The following ASTN1 variants were observed in gnomAD, a reference collection of about 807,000 sequenced individuals.
ASTN1 encodes astrotactin-1.
A neutral mutation model predicts 140.7 loss-of-function variants in ASTN1; 41 were observed. The ratio of observed to expected loss-of-function variants is 0.29; its 90% CI spans 0.23 to 0.38. ASTN1 has a LOEUF of 0.38. Ranked by LOEUF, ASTN1 falls within the 10% of genes least tolerant of loss-of-function variation. The pLI, the probability that ASTN1 is intolerant of heterozygous loss-of-function variation, is 1.00. For synonymous variants in ASTN1, 640 were observed against 652.2 expected (o/e 0.98, Z 0.29); for missense variants, 1,479 against 1,678.8 (o/e 0.88, Z 2.08).
intron 1 of ASTN1, among the ~76,000 whole-genome samples, chr1:177,129,867 T>C (rs1681857906): frequency 6.6e-6 from 1 of 152,146 alleles, no homozygotes; most frequent in African/African-American, 2.4e-5. Flanking sequence ...CTCAGAAGGC[T>C]GAGGCAGGAG....
At chr1:176,956,923 G>A (rs1672431231) in intron 11 of ASTN1, among the ~76,000 whole-genome samples, 1 of 152,036 alleles carries the variant, frequency 6.6e-6, no homozygotes, top group Non-Finnish European at 1.5e-5. Context: ...TAAGAGACAG[G>A]GTCTCACTCT....
chr1:176,890,893 G>A (rs1335646643), intron 17 of ASTN1, among the ~76,000 whole-genome samples: 1 of 152,136 alleles, frequency 6.6e-6, no homozygotes, highest in Non-Finnish European at 1.5e-5. Flanking sequence ...TGGCCATGGT[G>A]GCGGGCGCCT....
chr1:177,014,969 A>AGAGTTT, intron 7 of ASTN1, 94 bp from the exon 8 acceptor site: 9 of 1,149,410 alleles, frequency 7.8e-6, no homozygotes, highest in Non-Finnish European at 1.2e-5. Context: ...AGTCAGGGTA[A>AGAGTTT]ACTCTTACTC....
At chr1:176,957,958 C>G (rs1672486612) in intron 10 of ASTN1, 130 bp from the exon 11 acceptor site, 3 of 1,185,900 alleles carry the variant, frequency 2.5e-6, no homozygotes, top group Non-Finnish European at 2.3e-6. Flanking sequence ...AATTGAAGAT[C>G]AACTATACTC....
At chr1:176,900,940 T>G (rs1669741893) in intron 16 of ASTN1, among the ~76,000 whole-genome samples, 1 of 152,250 alleles carries the variant, frequency 6.6e-6, no homozygotes, top group Admixed American at 6.5e-5. Context: ...TACACACTAA[T>G]GTATTCAACA....
At position 177,160,695 on chromosome 1, in the gene ASTN1, T is replaced by C. The variant is rs376604742; in HGVS notation, c.283+3699A>G. On this transcript the variant is annotated intron_variant, in intron 1 of 22. Transcript: ENST00000361833. Reference sequence around the variant, plus strand: ...GTCTACTATTTTGAAAGCTGAAATATGAAATTTTAGTTCAGATATGAAATA... The same window carrying C: ...GTCTACTATTTTGAAAGCTGAAATACGAAATTTTAGTTCAGATATGAAATA... 3.9e-5 allele frequency among the ~76,000 whole-genome samples: 6 copies of C among 152,358 alleles called. No homozygotes were observed. The East Asian group carries it at 7.7e-4, about 20-fold the overall frequency.
At chr1:176,858,951 A>C (rs989596535), downstream of ASTN1, among the ~76,000 whole-genome samples, 3 of 152,214 alleles carry the variant, frequency 2.0e-5, no homozygotes, top group African/African-American at 7.2e-5. Context: ...AAGATATATA[A>C]AGATACTGAG....
chr1:176,923,851 T>C (rs1007737282), intron 16 of ASTN1, among the ~76,000 whole-genome samples: 3 of 152,194 alleles, frequency 2.0e-5, no homozygotes, highest in African/African-American at 7.2e-5. Flanking sequence ...ACTCCAATGA[T>C]GTCAAGTTCA....
chr1:176,973,544 T>G (rs1416234427), intron 8 of ASTN1, among the ~76,000 whole-genome samples: 1 of 152,176 alleles, frequency 6.6e-6, no homozygotes, highest in Admixed American at 6.5e-5. Flanking sequence ...TAACCTCAAG[T>G]GGGCTCTTGA....
At chr1:176,937,284 G>T (rs1193081530) in intron 14 of ASTN1, among the ~76,000 whole-genome samples, 2 of 120,086 alleles carry the variant, frequency 1.7e-5, no homozygotes, top group Admixed American at 9.7e-5. Context: ...TTCTTTACCA[G>T]AAGGAACAGT....
At chr1:177,009,678 C>T (rs1032354072) in intron 8 of ASTN1, among the ~76,000 whole-genome samples, 2 of 152,182 alleles carry the variant, frequency 1.3e-5, no homozygotes, top group East Asian at 3.9e-4. Flanking sequence ...CTGTGTGCAC[C>T]TACTTGGCAT....
In ASTN1 at chr1:176,862,297, T is replaced by C. The variant is rs1161525688; in HGVS notation, c.*1987A>G. ...GTTTGGAAAGAAGGAGAGAGGAGAG[T>C]GAAACCACCCTGTGCTTTATCTCAG... On this transcript the variant is annotated 3_prime_UTR_variant, in exon 23 of 23. Transcript: ENST00000361833. 2 of 985,114 alleles carry C rather than the reference T, an allele frequency of 2.0e-6. No individual in the cohort carries two copies. Among genetic ancestry groups the C allele is most frequent in the Middle Eastern group, 5.2e-4 (1 of 1,914 alleles). 61.0% of individuals were successfully genotyped at this position (985,114 alleles called of 1,614,324 possible).
At chr1:177,160,116 G>A (rs1288497450) in intron 1 of ASTN1, among the ~76,000 whole-genome samples, 5 of 152,096 alleles carry the variant, frequency 3.3e-5, no homozygotes, top group Admixed American at 2.6e-4. Context: ...CCATGAAAAA[G>A]AAACGATTTT....
chr1:177,009,066 T>C (rs1436977457), intron 8 of ASTN1, among the ~76,000 whole-genome samples: 1 of 152,162 alleles, frequency 6.6e-6, no homozygotes, highest in Non-Finnish European at 1.5e-5. Flanking sequence ...AGAAAAGACT[T>C]TGGGCTGGTC....
chr1:177,126,732 C>T (rs1003917160), intron 1 of ASTN1, among the ~76,000 whole-genome samples: 2 of 152,230 alleles, frequency 1.3e-5, no homozygotes, highest in Non-Finnish European at 2.9e-5. Flanking sequence ...TCATGCATCA[C>T]TTCTCATTAT....
Position 176,893,699 on chromosome 1 carries a change from C to T in ASTN1, c.2940+863G>A, listed in dbSNP as rs923560629. Among the ~76,000 whole-genome samples, 6 of 152,298 alleles carry T rather than the reference C, an allele frequency of 3.9e-5. No homozygotes were observed. The South Asian group carries it at 8.3e-4, about 21-fold the overall frequency. On this transcript the variant is annotated intron_variant, in intron 17 of 22. Coordinates refer to ENST00000361833, the MANE Select transcript of ASTN1 (RefSeq NM_004319.3). ...CAGGCAGGTAAGCAGCTCACTGCTG[C>T]GACTCCTGCTGCCTTGTCCCCAAGG... is the stretch of plus-strand genomic sequence containing the variant.
rs1668020340 is a variant in ASTN1, at chr1:176,863,119, A to G, written c.*1165T>C. 1.0e-6 allele frequency: 1 copy of G among 985,662 alleles called. No individual in the cohort carries two copies. The highest frequency in any genetic ancestry group is 1.2e-6 in the Non-Finnish European group (1 of 829,932). The allele number at this position is 985,662 out of a possible 1,614,324, so 61.1% of individuals were successfully genotyped here. A position where few individuals can be genotyped will look rare whatever the true frequency, so the allele number is the denominator to read the frequency against. On this transcript the variant is annotated 3_prime_UTR_variant, in exon 23 of 23. Coordinates refer to ENST00000361833, the MANE Select transcript of ASTN1 (RefSeq NM_004319.3). Reference sequence around the variant, plus strand: ...AACAACACTCTAGATGTTAACTGCAATCAGTGGTGCTTCCCTACACAGAAT... The same window carrying G: ...AACAACACTCTAGATGTTAACTGCAGTCAGTGGTGCTTCCCTACACAGAAT...
At chr1:177,127,476 G>A (rs1013254270) in intron 1 of ASTN1, among the ~76,000 whole-genome samples, 1 of 152,126 alleles carries the variant, frequency 6.6e-6, no homozygotes, top group Non-Finnish European at 1.5e-5. Flanking sequence ...CCATAACTGA[G>A]CAGCTACCAT....
intron 9 of ASTN1, 139 bp from the exon 10 acceptor site, chr1:176,958,621 A>G (rs924307301): frequency 8.2e-6 from 10 of 1,225,490 alleles, no homozygotes; most frequent in African/African-American, 7.7e-5. Context: ...TATGGGTGCA[A>G]TGACTAAGTT....
Sources: allele counts gnomAD v4.1 joint callset (sites outside exome capture counted in the v4.1 genomes callset), GRCh38; gene constraint gnomAD v4.1.1; transcripts MANE v1.5; gene names NCBI Gene and HGNC (gene_info 2026-07-23, HGNC 2026-07-21).